The following GPLD1 variants were observed in gnomAD, a reference collection of about 807,000 sequenced individuals.
The protein encoded by GPLD1 is phosphatidylinositol-glycan-specific phospholipase D.
A neutral mutation model predicts 112.6 loss-of-function variants in GPLD1; 84 were observed. The ratio of observed to expected loss-of-function variants is 0.75; its 90% confidence interval spans 0.63 to 0.89. GPLD1 has a LOEUF of 0.89. Among genes scored for constraint, GPLD1 ranks in the 40% least tolerant of loss-of-function variants. The probability of loss-of-function intolerance (pLI) is 0.00; values close to 1 mark genes in which losing one functional copy is unlikely to be tolerated. For synonymous variants in GPLD1, 386 were observed against 403.8 expected, an observed-to-expected ratio of 0.96 and a Z score of 0.53; for missense variants, 1,044 against 1,051.5, an observed-to-expected ratio of 0.99 and a Z score of 0.10.
chr6:24,454,198 T>C lies in GPLD1; in HGVS notation c.1152A>G (p.Ala384=). 1 of 1,609,660 alleles carries C rather than the reference T, an allele frequency of 6.2e-7. No individual in the cohort carries two copies. Among genetic ancestry groups the C allele is most frequent in the Non-Finnish European group, 8.5e-7 (1 of 1,177,484 alleles). ...LSFPYARLGW[A]MTSADLNQDG... The stretch of plus-strand genomic sequence containing the variant: ...CCTGGTTGAGGTCAGCTGAGGTCAT[T>C]GCCCTTAGGGAAGTGAAGGGACCCA... Residue 384 remains alanine, a synonymous_variant, in exon 14 of 25, where the codon GCA becomes GCG. Transcript: ENST00000230036.
intron 9 of GPLD1, 35 bp downstream of exon 9, chr6:24,466,877 T>C (rs545832091): frequency 5.6e-6 from 9 of 1,598,160 alleles, no homozygotes; most frequent in African/African-American, 1.3e-5. Context: ...GGTATCTTTA[T>C]AATCCTTTAA....
intron 1 of GPLD1, 78 bp from the exon 2 acceptor site, chr6:24,486,208 A>T (rs1764369429): frequency 2.3e-6 from 2 of 879,526 alleles, no homozygotes; most frequent in African/African-American, 3.4e-5. Context: ...ATTTTAAAAG[A>T]AAAATACACA....
chr6:24,478,573 T>C (rs1035730314), intron 3 of GPLD1, among the ~76,000 whole-genome samples: 1 of 152,202 alleles, frequency 6.6e-6, no homozygotes, highest in Non-Finnish European at 1.5e-5. Flanking sequence ...CTGCTTCAAC[T>C]AGCTTCGTGG....
At position 24,436,785 on chromosome 6, in the gene GPLD1, C is replaced by T. The variant is rs1324534829; in HGVS notation, c.2198-49G>A. The T allele has an allele frequency of 3.2e-6, 5 of 1,578,966 alleles. No individual in the cohort carries two copies. The African/African-American group carries it at 5.4e-5, about 17-fold the overall frequency. ...AAGGAAGTATTTGACTCCTCACTGTCATCTTTTCCTTGTTCCGCTACTGGA... is the reference window on the plus strand; with the variant it reads ...AAGGAAGTATTTGACTCCTCACTGTTATCTTTTCCTTGTTCCGCTACTGGA... On this transcript the variant is annotated intron_variant, in intron 21 of 24. Coordinates refer to ENST00000230036, the MANE Select transcript of GPLD1 (RefSeq NM_001503.4).
In GPLD1 at chr6:24,485,554, T is replaced by C. The variant is rs371279203; in HGVS notation, c.153+521A>G. Among the ~76,000 whole-genome samples the C allele has an allele frequency of 7.2e-5, 11 of 152,300 alleles. No homozygotes were observed. The East Asian group carries it at 1.9e-3, about 27-fold the overall frequency. On this transcript the variant is annotated intron_variant, in intron 2 of 24. Transcript: ENST00000230036. ...TTAAGTGTGATATATATAAGATACCTATAAAATGTTCAAGTAGCACTTGGA... is the reference window on the plus strand; with the variant it reads ...TTAAGTGTGATATATATAAGATACCCATAAAATGTTCAAGTAGCACTTGGA...
intron 1 of GPLD1, among the ~76,000 whole-genome samples, chr6:24,487,517 CTGTCT>C (rs66470439): frequency 0.31 from 46,832 of 151,818 alleles, 7,400 homozygotes; most frequent in Non-Finnish European, 0.33. Flanking sequence ...CAGATGCAAT[CTGTCT>C]TGTAAATTTT....
chr6:24,493,586 C>G (rs939451362), upstream of GPLD1, among the ~76,000 whole-genome samples: 4 of 152,224 alleles, frequency 2.6e-5, no homozygotes, highest in Non-Finnish European at 1.5e-5. Flanking sequence ...CTCCCCAGCC[C>G]CACCTGTGAT....
intron 22 of GPLD1, 51 bp downstream of exon 22, chr6:24,436,525 G>A: frequency 6.7e-7 from 1 of 1,485,442 alleles, no homozygotes; most frequent in Non-Finnish European, 9.4e-7. Context: ...CAAGGAATCA[G>A]CAATTAGTGA....
intron 2 of GPLD1, among the ~76,000 whole-genome samples, chr6:24,480,185 CAG>C (rs1310217885): frequency 2.6e-5 from 4 of 152,188 alleles, no homozygotes; most frequent in Admixed American, 1.3e-4. Flanking sequence ...CTACCAAACA[CAG>C]AGAGGCTAAT....
rs3833458 is a variant in GPLD1 at position 24,467,547 on chromosome 6, AT to A, written c.546-274del. 3.9e-5 allele frequency among the ~76,000 whole-genome samples: 6 copies of A among 152,338 alleles called. No individual in the cohort carries two copies. The East Asian group carries it at 1.2e-3, about 29-fold the overall frequency. ...AAACAACTGGTAACTTAAATCAAAT[AT>A]TTATGTAGGTATACTCAGATTGGAA... On this transcript the variant is annotated intron_variant, in intron 7 of 24. Coordinates refer to ENST00000230036, the MANE Select transcript of GPLD1 (RefSeq NM_001503.4).
chr6:24,477,595 T>G (rs2760150), intron 3 of GPLD1, among the ~76,000 whole-genome samples: 73,680 of 151,400 alleles, frequency 0.49, 18,476 homozygotes, highest in African/African-American at 0.59. Flanking sequence ...CCAGGTATGG[T>G]GGTACACACC....
chr6:24,429,131 CA>C lies in GPLD1; in HGVS notation c.2437-14del. ...TGACGACTTGGTTCTGTAAGGGACA[CA>C]AGACAGAATTCATGGCTCATTCATA... is the stretch of plus-strand genomic sequence containing the variant. On this transcript the variant is annotated splice_polypyrimidine_tract_variant and intron_variant, in intron 24 of 24. Transcript: ENST00000230036. 2 of 1,582,008 alleles carry C rather than the reference CA, an allele frequency of 1.3e-6. No homozygotes were observed. Among genetic ancestry groups the C allele is most frequent in the Non-Finnish European group, 1.7e-6 (2 of 1,151,376 alleles).
chr6:24,485,230 T>G (rs1417073063), intron 2 of GPLD1, among the ~76,000 whole-genome samples: 4 of 152,176 alleles, frequency 2.6e-5, no homozygotes, highest in Non-Finnish European at 5.9e-5. Context: ...CAAGTATGAC[T>G]TTTTAAAATA....
chr6:24,468,962 T>C (rs950944389), intron 7 of GPLD1, among the ~76,000 whole-genome samples: 1 of 152,254 alleles, frequency 6.6e-6, no homozygotes, highest in African/African-American at 2.4e-5. Context: ...TGATTGAGAC[T>C]TGTCTCAGAT....
chr6:24,427,259 A>G lies in GPLD1; in HGVS notation c.*1773T>C, dbSNP rs1241327829. Among the ~76,000 whole-genome samples, 5 of 152,186 alleles carry G rather than the reference A, an allele frequency of 3.3e-5. No homozygotes were observed. The highest frequency in any genetic ancestry group is 7.3e-5 in the Non-Finnish European group (5 of 68,034). ...AGGACTGACAAATGAAATCCATCCTACGAAAAACAGCCCAGGAACAAGCGA... is the reference window on the plus strand; with the variant it reads ...AGGACTGACAAATGAAATCCATCCTGCGAAAAACAGCCCAGGAACAAGCGA... On this transcript the variant is annotated 3_prime_UTR_variant, in exon 25 of 25. Transcript: ENST00000230036.
chr6:24,458,081 C>T (rs1763324589), intron 12 of GPLD1, among the ~76,000 whole-genome samples: 1 of 150,982 alleles, frequency 6.6e-6, no homozygotes, highest in South Asian at 2.1e-4. Flanking sequence ...TGGCCCTGAA[C>T]AAGCTGGCCA....
intron 20 of GPLD1, among the ~76,000 whole-genome samples, chr6:24,444,072 T>C (rs1453783795): frequency 6.6e-6 from 1 of 152,228 alleles, no homozygotes; most frequent in Non-Finnish European, 1.5e-5. Flanking sequence ...CAAGAGCTTT[T>C]AGAAAGATTA....
intron 11 of GPLD1, among the ~76,000 whole-genome samples, chr6:24,461,084 T>C (rs985257037): frequency 2.0e-4 from 31 of 152,166 alleles, no homozygotes; most frequent in African/African-American, 7.2e-4. Context: ...AAATTAATTA[T>C]ACAATAAAAA....
At chr6:24,466,968 G>A in intron 8 of GPLD1, 29 bp from the exon 9 acceptor site, 1 of 1,595,696 alleles carries the variant, frequency 6.3e-7, no homozygotes, top group Non-Finnish European at 8.6e-7. Flanking sequence ...TTTTGGCTGT[G>A]AGTTGCAGTT....
Sources: allele counts gnomAD v4.1 joint callset (sites outside exome capture counted in the v4.1 genomes callset), GRCh38; gene constraint gnomAD v4.1.1; transcripts MANE v1.5; gene names NCBI Gene and HGNC (gene_info 2026-07-23, HGNC 2026-07-21).